The following TTC28 variants were observed in gnomAD, a reference collection of about 807,000 sequenced individuals.
TTC28 encodes tetratricopeptide repeat protein 28.
TTC28 carries 61 observed loss-of-function variants against 198.0 expected under a neutral mutation model. The ratio of observed to expected loss-of-function variants is 0.31; its 90% CI spans 0.25 to 0.38. The LOEUF is 0.38. Among genes scored for constraint, TTC28 ranks in the 10% least tolerant of loss-of-function variants. TTC28 has a pLI of 1.00. For missense variants in TTC28, 2,678 were observed against 3,164.0 expected, an observed-to-expected ratio of 0.85 and a Z score of 3.69; for synonymous variants, 1,171 against 1,297.8, an observed-to-expected ratio of 0.90 and a Z score of 2.10.
At position 27,989,913 on chromosome 22, in the gene TTC28, C is replaced by A; in HGVS notation, c.5672G>T (p.Arg1891Leu). ...CAGGAACTCGTGGCATCCCGGGAGC[C>A]GCCACAGCTGGACGCTGATGGAGAC... Reference protein sequence around the residue: ...IQVSISVQLWRLPGCHEFLAA... With the variant: ...IQVSISVQLWLLPGCHEFLAA... Residue 1891 changes from arginine to leucine, a missense_variant, in exon 21 of 23, where the codon CGG (arginine) becomes CTG (leucine). Around this residue, in one of 8 missense-constraint regions of TTC28, gnomAD observed 314 missense variants for 442.7 expected, o/e 0.71. Transcript: ENST00000397906. 6.4e-7 allele frequency: 1 copy of A among 1,551,304 alleles called. No individual in the cohort carries two copies. The highest frequency in any genetic ancestry group is 8.7e-7 in the Non-Finnish European group (1 of 1,146,836).
intron 2 of TTC28, among the ~76,000 whole-genome samples, chr22:28,394,268 T>C (rs1228492971): frequency 2.0e-5 from 3 of 152,340 alleles, no homozygotes; most frequent in East Asian, 3.9e-4. Flanking sequence ...TACAATTTTG[T>C]AGAATGTACA....
chr22:28,161,511 G>C (rs1921176030), intron 6 of TTC28, among the ~76,000 whole-genome samples: 1 of 152,090 alleles, frequency 6.6e-6, no homozygotes, highest in African/African-American at 2.4e-5. Flanking sequence ...TAGCTGGTCA[G>C]GGTGGCATGC....
At chr22:28,553,991 A>T (rs1044065449) in intron 2 of TTC28, among the ~76,000 whole-genome samples, 4 of 152,268 alleles carry the variant, frequency 2.6e-5, no homozygotes, top group African/African-American at 9.6e-5. Flanking sequence ...GTGTAGAAAG[A>T]AGTAGACATG....
intron 9 of TTC28, 84 bp from the exon 10 acceptor site, chr22:28,099,128 A>G (rs1942063631): frequency 6.7e-7 from 1 of 1,496,904 alleles, no homozygotes. Flanking sequence ...TTTTGCTCAT[A>G]TCTTTGTGCA....
intron 2 of TTC28, among the ~76,000 whole-genome samples, chr22:28,491,871 C>T (rs2048384742): frequency 6.6e-6 from 1 of 152,110 alleles, no homozygotes; most frequent in African/African-American, 2.4e-5. Context: ...AAATGTCCAT[C>T]AATGATAGAC....
At chr22:28,289,566 C>T (rs985617110) in intron 5 of TTC28, among the ~76,000 whole-genome samples, 3 of 152,140 alleles carry the variant, frequency 2.0e-5, no homozygotes, top group African/African-American at 7.2e-5. Context: ...GCTATGCATT[C>T]GTGTGTCTGT....
intron 6 of TTC28, 94 bp downstream of exon 6, chr22:28,162,998 A>C (rs1921405137): frequency 4.3e-6 from 6 of 1,387,512 alleles, no homozygotes; most frequent in Non-Finnish European, 5.7e-6. Context: ...TTTTAAATAT[A>C]AACACACAGA....
intron 2 of TTC28, among the ~76,000 whole-genome samples, chr22:28,491,694 C>T (rs1417650291): frequency 2.0e-5 from 3 of 152,178 alleles, no homozygotes; most frequent in South Asian, 2.1e-4. Context: ...TTGTGGAAGT[C>T]GGTGTGGTGA....
chr22:28,350,788 G>A (rs1263724680), intron 2 of TTC28, among the ~76,000 whole-genome samples: 2 of 152,150 alleles, frequency 1.3e-5, no homozygotes, highest in Non-Finnish European at 2.9e-5. Context: ...AGACCCCCTT[G>A]CCTGACTTTA....
chr22:28,082,041 T>G lies in TTC28; in HGVS notation c.3932+12039A>C, dbSNP rs141112135. Among the ~76,000 whole-genome samples, 156 of 152,342 alleles carry G rather than the reference T, an allele frequency of 1.0e-3. 1 individual carries two copies. The highest frequency in any genetic ancestry group is 3.4e-3 in the African/African-American group (143 of 41,576). On this transcript the variant is annotated intron_variant, in intron 12 of 22. Transcript: ENST00000397906. ...TGGTAAGTGGGATTGTTTTCTGAAT[T>G]TCCTCTTTAGATTGTTCATTGCTAG...
At position 27,992,103 on chromosome 22, in the gene TTC28, G is replaced by A. The variant is rs150212934; in HGVS notation, c.5553+484C>T. 2.9e-3 allele frequency among the ~76,000 whole-genome samples: 437 copies of A among 152,300 alleles called. 1 individual carries two copies. The highest frequency in any genetic ancestry group is 4.4e-3 in the Non-Finnish European group (299 of 68,032). On this transcript the variant is annotated intron_variant, in intron 19 of 22. Coordinates refer to ENST00000397906, the MANE Select transcript of TTC28 (RefSeq NM_001145418.2). ...GGGTGGTGAGGAGGACAAGGTTCAG[G>A]AGACCACCGAGTGGAGATTTCAGGA... is the stretch of plus-strand genomic sequence containing the variant.
At chr22:27,988,861 C>A (rs1184808381) in intron 21 of TTC28, among the ~76,000 whole-genome samples, 1 of 152,206 alleles carries the variant, frequency 6.6e-6, no homozygotes, top group Admixed American at 6.5e-5. Context: ...TCTGCTTCTG[C>A]CTGCCATGGT....
rs1172596803 is a variant in TTC28, at chr22:28,296,259, C to T, written c.872G>A (p.Arg291Gln). Residue 291 changes from arginine to glutamine, a missense_variant, in exon 5 of 23, where the codon CGG becomes CAG. Arg to Gln is a conservative substitution (Grantham distance 43). Coordinates refer to ENST00000397906, the MANE Select transcript of TTC28 (RefSeq NM_001145418.2). Reference protein sequence around the residue: ...GSAFFSKGNYREALTNHRHQL... With the variant: ...GSAFFSKGNYQEALTNHRHQL... ...ATGCCTGTGGTTAGTGAGAGCCTCCCGGTAATTTCCTTTGGAGAAGAATGC... is the reference window on the plus strand; with the variant it reads ...ATGCCTGTGGTTAGTGAGAGCCTCCTGGTAATTTCCTTTGGAGAAGAATGC... The T allele has an allele frequency of 1.1e-5, 17 of 1,550,626 alleles. No homozygotes were observed. The highest frequency in any genetic ancestry group is 1.4e-5 in the African/African-American group (1 of 72,846).
At chr22:28,629,122 C>G (rs899103157) in intron 2 of TTC28, among the ~76,000 whole-genome samples, 2 of 151,938 alleles carry the variant, frequency 1.3e-5, no homozygotes, top group African/African-American at 4.8e-5. Flanking sequence ...TTAGAAAAAA[C>G]AGAAATTTCC....
chr22:28,293,598 T>C (rs916361503), intron 5 of TTC28, among the ~76,000 whole-genome samples: 4 of 151,990 alleles, frequency 2.6e-5, no homozygotes, highest in Admixed American at 6.6e-5. Flanking sequence ...TACTCAAAAT[T>C]TGCTAAAAGA....
intron 2 of TTC28, among the ~76,000 whole-genome samples, chr22:28,582,391 A>G (rs889821064): frequency 2.0e-5 from 3 of 152,196 alleles, no homozygotes; most frequent in Non-Finnish European, 4.4e-5. Flanking sequence ...GAAAATTCAT[A>G]TTTCTTTCAA....
At chr22:28,006,038 C>T (rs1188977609) in intron 14 of TTC28, among the ~76,000 whole-genome samples, 1 of 152,146 alleles carries the variant, frequency 6.6e-6, no homozygotes, top group Non-Finnish European at 1.5e-5. Flanking sequence ...GATGAAAAGC[C>T]GTGTGCAGTG....
chr22:28,648,472 T>G (rs1482429984), intron 1 of TTC28, among the ~76,000 whole-genome samples: 3 of 152,192 alleles, frequency 2.0e-5, no homozygotes, highest in Non-Finnish European at 4.4e-5. Context: ...TATCATTTAA[T>G]CCAACAATCC....
At chr22:28,280,650 A>G (rs1812230869) in intron 5 of TTC28, among the ~76,000 whole-genome samples, 1 of 152,070 alleles carries the variant, frequency 6.6e-6, no homozygotes. Flanking sequence ...GAAATCTTTT[A>G]TATTTACCAA....
Sources: allele counts gnomAD v4.1 joint callset (sites outside exome capture counted in the v4.1 genomes callset), GRCh38; gene constraint gnomAD v4.1.1; regional missense constraint gnomAD v4.1.1; transcripts MANE v1.5; gene names NCBI Gene and HGNC (gene_info 2026-07-23, HGNC 2026-07-21).